ADAM15: variants seen among roughly 807,000 people sequenced by gnomAD.
ADAM15 encodes the protein disintegrin and metalloproteinase domain-containing protein 15.
In ADAM15, 77 loss-of-function variants were observed where a neutral mutation model predicts 113.8. The ratio of observed to expected loss-of-function variants is 0.68; its 90% CI spans 0.56 to 0.82. ADAM15 has a LOEUF of 0.82. Among genes scored for constraint, ADAM15 ranks in the 40% least tolerant of loss-of-function variants. The pLI is 0.00. For synonymous variants in ADAM15, 388 were observed against 454.1 expected (o/e 0.85, Z 1.85); for missense variants, 963 against 1,120.1 (o/e 0.86, Z 2.00).
rs1661923841 is a variant in ADAM15 at position 155,057,459 on chromosome 1, G to A, written c.1323+97G>A. On this transcript the variant is annotated intron_variant, in intron 12 of 22. Coordinates refer to ENST00000356955, the MANE Select transcript of ADAM15 (RefSeq NM_207197.3). This position sits in a 1 kb window ranked among gnomAD's most constrained non-coding sequence, Gnocchi z 5.0. ...GCCTCCTGAGCTCTTGGGTTCTGAA[G>A]GGACTTTCCACCCCTCTCCTACTTG... The A allele has an allele frequency of 6.5e-7, 1 of 1,550,058 alleles. No homozygotes were observed. The highest frequency in any genetic ancestry group is 1.2e-5 in the South Asian group (1 of 85,322).
rs1661680331 is a variant in ADAM15 at position 155,055,822 on chromosome 1, G to A, written c.645G>A (p.Val215=). Residue 215 remains valine (V), a synonymous_variant, in exon 7 of 23, where the codon GTG becomes GTA. Coordinates refer to ENST00000356955, the MANE Select transcript of ADAM15 (RefSeq NM_207197.3). The stretch of plus-strand genomic sequence containing the variant: ...ATGTGGTAACAGAGACCAAGACTGT[G>A]GAGTTGGTGATTGTGGCTGATCACT... ...RRDVVTETKT[V]ELVIVADHSE... 6.2e-7 allele frequency: 1 copy of A among 1,614,084 alleles called. No homozygotes were observed. Among genetic ancestry groups the A allele is most frequent in the Non-Finnish European group, 8.5e-7 (1 of 1,180,054 alleles).
intron 16 of ADAM15, among the ~76,000 whole-genome samples, chr1:155,059,698 A>G (rs1458483016): frequency 1.3e-5 from 2 of 152,238 alleles, no homozygotes; most frequent in African/African-American, 4.8e-5. Flanking sequence ...CATGTACCAC[A>G]GTGCCCAGCA....
chr1:155,061,578 G>T, intron 20 of ADAM15, 89 bp downstream of exon 20: 1 of 1,392,430 alleles, frequency 7.2e-7, no homozygotes, highest in Non-Finnish European at 9.9e-7. Flanking sequence ...CCTGCCAGTG[G>T]TGCTCTTCAT....
At position 155,059,217 on chromosome 1, in the gene ADAM15, G is replaced by A. The variant is rs988265072; in HGVS notation, c.1995+430G>A. On this transcript the variant is annotated intron_variant, in intron 16 of 22. Coordinates refer to ENST00000356955, the MANE Select transcript of ADAM15 (RefSeq NM_207197.3). ...CTACTCGCTGGGATTACAGTCACCCGCCACCATGCCCAGCTAATTTTTGTA... is the reference window on the plus strand; with the variant it reads ...CTACTCGCTGGGATTACAGTCACCCACCACCATGCCCAGCTAATTTTTGTA... 3.3e-5 allele frequency among the ~76,000 whole-genome samples: 5 copies of A among 152,172 alleles called. No individual in the cohort carries two copies. In the East Asian group the frequency reaches 5.8e-4, roughly 18 times the overall value.
At position 155,061,559 on chromosome 1, in the gene ADAM15, T is replaced by C. The variant is rs764882156; in HGVS notation, c.2352+70T>C. Reference sequence around the variant, plus strand: ...GCTTGGTACCCAACTGCAGTTCTCATCCCTGCTCCCTGCCAGTGGTGCTCT... The same window carrying C: ...GCTTGGTACCCAACTGCAGTTCTCACCCCTGCTCCCTGCCAGTGGTGCTCT... On this transcript the variant is annotated intron_variant, in intron 20 of 22. Coordinates refer to ENST00000356955, the MANE Select transcript of ADAM15 (RefSeq NM_207197.3). 13 of 1,463,548 alleles carry C rather than the reference T, an allele frequency of 8.9e-6. No individual in the cohort carries two copies. The Admixed American group carries it at 1.3e-4, about 14-fold the overall frequency. 90.7% of individuals were successfully genotyped at this position (1,463,548 alleles called of 1,614,324 possible). A position where few individuals can be genotyped will look rare whatever the true frequency, so the allele number is the denominator to read the frequency against.
rs765653167 is a variant in ADAM15, at chr1:155,052,655, G to A, written c.80-16G>A. ...GATTCCCTCAGTACTGTCTTGGGGT[G>A]TCCTGGGACCTGCAGGTGGCACTGA... On this transcript the variant is annotated splice_polypyrimidine_tract_variant and intron_variant, in intron 1 of 22. Coordinates refer to ENST00000356955, the MANE Select transcript of ADAM15 (RefSeq NM_207197.3). 3.8e-6 allele frequency: 6 copies of A among 1,590,554 alleles called. No homozygotes were observed. The East Asian group carries it at 9.1e-5, about 24-fold the overall frequency.
intron 3 of ADAM15, 85 bp downstream of exon 3, chr1:155,053,578 G>A: frequency 7.1e-7 from 1 of 1,411,402 alleles, no homozygotes; most frequent in Non-Finnish European, 1.0e-6. Context: ...AAGTGCTTGT[G>A]CTCATTTAAT....
In ADAM15 at chr1:155,056,571, A is replaced by C; in HGVS notation, c.999+101A>C. The C allele has an allele frequency of 1.7e-6, 2 of 1,162,118 alleles. No homozygotes were observed. The highest frequency in any genetic ancestry group is 2.5e-6 in the Non-Finnish European group (2 of 801,680). The allele number at this position is 1,162,118 out of a possible 1,614,324, so 72.0% of individuals were successfully genotyped here. A position where few individuals can be genotyped will look rare whatever the true frequency, so the allele number is the denominator to read the frequency against. On this transcript the variant is annotated intron_variant, in intron 10 of 22. Transcript: ENST00000356955. This position sits in a 1 kb window ranked among gnomAD's most constrained non-coding sequence, Gnocchi z 4.0. ...CCCCCTATAAAGTTGCCCAACCCCA[A>C]AGCTACAGGTATAGAGGGTGGAGGT...
rs780576665 is a variant in ADAM15, at chr1:155,061,937, C to G, written c.2386C>G (p.Arg796Gly). ...GGCTGACCGACCCAATCCCCCTACCCGCCCTCTGCCCGCTGACCCGGTGGT... is the reference window on the plus strand; with the variant it reads ...GGCTGACCGACCCAATCCCCCTACCGGCCCTCTGCCCGCTGACCCGGTGGT... ...ELADRPNPPT[R>G]PLPADPVVRS... is the part of the protein sequence containing the mutation. Residue 796 changes from arginine (R) to glycine (G), a missense_variant, in exon 21 of 23, where the codon CGC becomes GGC. Coordinates refer to ENST00000356955, the MANE Select transcript of ADAM15 (RefSeq NM_207197.3). The G allele has an allele frequency of 6.3e-7, 1 of 1,584,252 alleles. No homozygotes were observed. The highest frequency in any genetic ancestry group is 1.4e-5 in the African/African-American group (1 of 73,780).
rs1366898320 is a variant in ADAM15, at chr1:155,053,501, T to C, written c.263+8T>C. ...GGAGCTGCTACAGAATAGGTAATAGTGATGGTGGCAATAACAGTGACCACA... is the reference window on the plus strand; with the variant it reads ...GGAGCTGCTACAGAATAGGTAATAGCGATGGTGGCAATAACAGTGACCACA... On this transcript the variant is annotated splice_region_variant and intron_variant, in intron 3 of 22. Coordinates refer to ENST00000356955, the MANE Select transcript of ADAM15 (RefSeq NM_207197.3). The C allele has an allele frequency of 3.1e-6, 5 of 1,613,946 alleles. No homozygotes were observed. The African/African-American group carries it at 6.7e-5, about 22-fold the overall frequency.
At position 155,053,991 on chromosome 1, in the gene ADAM15, G is replaced by A; in HGVS notation, c.342+3G>A. The A allele has an allele frequency of 6.2e-7, 1 of 1,614,210 alleles. No homozygotes were observed. Among genetic ancestry groups the A allele is most frequent in the Non-Finnish European group, 8.5e-7 (1 of 1,180,028 alleles). ...TGGTCAGTGAGGGACACACTTTGGT[G>A]AGTCAGGCCCTCTTGTGCCATTTTT... On this transcript the variant is annotated splice_donor_region_variant and intron_variant, in intron 4 of 22. Coordinates refer to ENST00000356955, the MANE Select transcript of ADAM15 (RefSeq NM_207197.3).
In ADAM15 at chr1:155,058,598, T is replaced by A. The variant is rs1662113514; in HGVS notation, c.1918-112T>A. The A allele has an allele frequency of 2.6e-6, 4 of 1,554,172 alleles. No individual in the cohort carries two copies. Among genetic ancestry groups the A allele is most frequent in the Non-Finnish European group, 3.5e-6 (4 of 1,149,594 alleles). On this transcript the variant is annotated intron_variant, in intron 15 of 22. Transcript: ENST00000356955. This position sits in a 1 kb window ranked among gnomAD's most constrained non-coding sequence, Gnocchi z 4.3. ...GGAGCAAAGTCCTATCAACTCACTA[T>A]GCCTTGGTTTCCCCATCTGTAAACG...
At chr1:155,055,003 C>G (rs1054369998) in intron 6 of ADAM15, among the ~76,000 whole-genome samples, 1 of 152,172 alleles carries the variant, frequency 6.6e-6, no homozygotes, top group African/African-American at 2.4e-5. Context: ...CTTATGATCC[C>G]ATTTGCAGAG....
Position 155,058,453 on chromosome 1 carries a change from G to T in ADAM15, c.1917+12G>T. The T allele has an allele frequency of 6.2e-7, 1 of 1,609,094 alleles. No individual in the cohort carries two copies. ...GTGGCCCTGGCCTGGTGAGCAGCCT[G>T]GGTGGGCAAGACCAGGTGTGAGAAG... On this transcript the variant is annotated intron_variant, in intron 15 of 22. Coordinates refer to ENST00000356955, the MANE Select transcript of ADAM15 (RefSeq NM_207197.3). This position sits in a 1 kb window ranked among gnomAD's most constrained non-coding sequence, Gnocchi z 4.3.
chr1:155,052,595 A>ATC, intron 1 of ADAM15, 76 bp from the exon 2 acceptor site: 1 of 1,552,656 alleles, frequency 6.4e-7, no homozygotes. Context: ...GAGCTGGTGG[A>ATC]TCTGAGGGCA....
rs371173831 is a variant in ADAM15 at position 155,057,128 on chromosome 1, G to A, written c.1148+27G>A. On this transcript the variant is annotated intron_variant, in intron 11 of 22. Coordinates refer to ENST00000356955, the MANE Select transcript of ADAM15 (RefSeq NM_207197.3). This position sits in a 1 kb window ranked among gnomAD's most constrained non-coding sequence, Gnocchi z 5.0. ...TAAGTAGCTGCAGGATGGAGAGAGG[G>A]TGTGGGGCAGGGGGCAGGGAGAGGC... 1 of 1,576,752 alleles carries A rather than the reference G, an allele frequency of 6.3e-7. No homozygotes were observed.
At position 155,062,074 on chromosome 1, in the gene ADAM15, G is replaced by A. The variant is rs1240301669; in HGVS notation, c.2424+99G>A. The stretch of plus-strand genomic sequence containing the variant: ...GTGGCCGTGGCGAGATGCCCCCTCA[G>A]TGCATGAGGGCACATATCCCGGTGG... On this transcript the variant is annotated intron_variant, in intron 21 of 22. Transcript: ENST00000356955. This position sits in a 1 kb window ranked among gnomAD's most constrained non-coding sequence, Gnocchi z 7.0. 2.1e-5 allele frequency: 31 copies of A among 1,493,752 alleles called. No homozygotes were observed. The highest frequency in any genetic ancestry group is 2.2e-5 in the Non-Finnish European group (25 of 1,122,382). 92.5% of individuals were successfully genotyped at this position (1,493,752 alleles called of 1,614,324 possible).
At position 155,051,371 on chromosome 1, in the gene ADAM15, C is replaced by G; in HGVS notation, c.-16C>G. 6.7e-7 allele frequency: 1 copy of G among 1,496,706 alleles called. No homozygotes were observed. The highest frequency in any genetic ancestry group is 8.9e-7 in the Non-Finnish European group (1 of 1,126,424). The allele number at this position is 1,496,706 out of a possible 1,614,324, so 92.7% of individuals were successfully genotyped here. A position where few individuals can be genotyped will look rare whatever the true frequency, so the allele number is the denominator to read the frequency against. ...TCCGCACTTGCTGCCCTCGCCCGGC[C>G]CGGAGCGCCGCTGCCATGCGGCTGG... is the stretch of plus-strand genomic sequence containing the variant. On this transcript the variant is annotated 5_prime_UTR_variant, in exon 1 of 23. Transcript: ENST00000356955.
At position 155,057,399 on chromosome 1, in the gene ADAM15, C is replaced by T. The variant is rs1356891751; in HGVS notation, c.1323+37C>T. 2.5e-6 allele frequency: 4 copies of T among 1,610,658 alleles called. No homozygotes were observed. Among genetic ancestry groups the T allele is most frequent in the Non-Finnish European group, 2.5e-6 (3 of 1,177,492 alleles). On this transcript the variant is annotated intron_variant, in intron 12 of 22. Coordinates refer to ENST00000356955, the MANE Select transcript of ADAM15 (RefSeq NM_207197.3). This position sits in a 1 kb window ranked among gnomAD's most constrained non-coding sequence, Gnocchi z 5.0. ...TCCCAAAGCCTCGCCCCACTCACTT[C>T]TGTACCCTCACCCTGGCTCATTAGC... is the stretch of plus-strand genomic sequence containing the variant.
Sources: gnomAD v4.1 joint callset for allele counts (sites outside exome capture counted in the v4.1 genomes callset) on GRCh38, gnomAD v4.1.1 for gene constraint, Gnocchi (gnomAD v3.1) non-coding constraint, MANE v1.5 for transcripts, NCBI Gene and HGNC (gene_info 2026-07-23, HGNC 2026-07-21) for gene names.